The following FSTL5 variants were observed in gnomAD, a reference collection of about 807,000 sequenced individuals.
FSTL5 encodes follistatin-related protein 5.
In FSTL5, 62 loss-of-function variants were observed where a neutral mutation model predicts 89.1. That is an observed-to-expected ratio of 0.70 (90% CI 0.57 to 0.86). FSTL5 has a LOEUF of 0.86. Among genes scored for constraint, FSTL5 ranks in the 40% least tolerant of loss-of-function variants. FSTL5 has a pLI of 0.00. For synonymous variants in FSTL5, 383 were observed against 346.2 expected (o/e 1.11, Z -1.18); for missense variants, 1,057 against 1,001.6 (o/e 1.06, Z -0.75).
chr4:162,018,430 T>A (rs1250257373), intron 3 of FSTL5, among the ~76,000 whole-genome samples: 1 of 152,198 alleles, frequency 6.6e-6, no homozygotes, highest in Non-Finnish European at 1.5e-5. Flanking sequence ...AATACTGTAG[T>A]TAATTGGTGA....
chr4:161,496,909 GA>G (rs1730106398), intron 12 of FSTL5, among the ~76,000 whole-genome samples: 1 of 152,078 alleles, frequency 6.6e-6, no homozygotes, highest in Non-Finnish European at 1.5e-5. Flanking sequence ...GACAGAGATA[GA>G]AATGGAGAAC....
chr4:161,487,420 T>C (rs927514223), intron 12 of FSTL5, among the ~76,000 whole-genome samples: 5 of 152,146 alleles, frequency 3.3e-5, no homozygotes, highest in African/African-American at 9.6e-5. Context: ...GAGGATTCCA[T>C]AGAAATTGAA....
chr4:161,888,796 T>G (rs1459893172), intron 4 of FSTL5, among the ~76,000 whole-genome samples: 1 of 152,086 alleles, frequency 6.6e-6, no homozygotes, highest in Non-Finnish European at 1.5e-5. Context: ...ATCATGACAG[T>G]GATGATTAAT....
chr4:161,928,395 GAC>G (rs752989473), intron 3 of FSTL5, among the ~76,000 whole-genome samples: 2 of 151,924 alleles, frequency 1.3e-5, no homozygotes, highest in African/African-American at 2.4e-5. Context: ...TTTTGTGTAA[GAC>G]ACAGAGTTTC....
chr4:161,841,689 A>G (rs1351244355), intron 4 of FSTL5, among the ~76,000 whole-genome samples: 2 of 152,130 alleles, frequency 1.3e-5, no homozygotes, highest in African/African-American at 4.8e-5. Flanking sequence ...TAAGTGTCTA[A>G]TTAAGTAGTA....
At chr4:161,466,930 T>A (rs72616789) in intron 13 of FSTL5, among the ~76,000 whole-genome samples, 34,462 of 151,936 alleles carry the variant, frequency 0.23, 4,589 homozygotes, top group East Asian at 0.48. Context: ...TAATAATATG[T>A]AATATTCAGT....
At chr4:161,526,883 T>C (rs954532417) in intron 10 of FSTL5, among the ~76,000 whole-genome samples, 3 of 152,234 alleles carry the variant, frequency 2.0e-5, no homozygotes, top group Non-Finnish European at 4.4e-5. Context: ...GGTATCGTGA[T>C]GGCTCCAGCT....
rs374482690 is a variant in FSTL5, at chr4:161,820,628, T to C, written c.410-44554A>G. On this transcript the variant is annotated intron_variant, in intron 4 of 15. Coordinates refer to ENST00000306100, the MANE Select transcript of FSTL5 (RefSeq NM_020116.5). ...TAGTGATGCGTGAAAATTGAAGGCC[T>C]GGACCATGAGAGCCTTCCAGAGGTG... 7.6e-4 allele frequency among the ~76,000 whole-genome samples: 115 copies of C among 152,274 alleles called. 1 individual carries two copies. The highest frequency in any genetic ancestry group is 6.8e-3 in the Middle Eastern group (2 of 294).
At chr4:161,543,381 C>T (rs1731899082) in intron 8 of FSTL5, among the ~76,000 whole-genome samples, 1 of 151,674 alleles carries the variant, frequency 6.6e-6, no homozygotes, top group African/African-American at 2.4e-5. Context: ...GATCATACTC[C>T]CAAGTTGACA....
chr4:161,698,775 AAAAC>A (rs746818470), intron 6 of FSTL5, among the ~76,000 whole-genome samples: 10 of 152,174 alleles, frequency 6.6e-5, no homozygotes, highest in African/African-American at 2.4e-4. Context: ...TAAACATACA[AAAAC>A]AAACAAACAA....
chr4:161,675,319 T>C (rs1442363539), intron 6 of FSTL5, among the ~76,000 whole-genome samples: 1 of 151,816 alleles, frequency 6.6e-6, no homozygotes, highest in Non-Finnish European at 1.5e-5. Context: ...AACATCATAT[T>C]TTCTACTAAT....
At chr4:161,618,986 A>T (rs1735003430) in intron 7 of FSTL5, among the ~76,000 whole-genome samples, 1 of 152,224 alleles carries the variant, frequency 6.6e-6, no homozygotes, top group Admixed American at 6.5e-5. Flanking sequence ...TGGTACCAAA[A>T]CAGAGATATA....
chr4:161,792,041 G>A (rs975171161), intron 4 of FSTL5, among the ~76,000 whole-genome samples: 2 of 152,162 alleles, frequency 1.3e-5, no homozygotes, highest in Non-Finnish European at 2.9e-5. Context: ...TGTGGACCCA[G>A]GCATCCCTGC....
At chr4:161,527,778 A>G (rs1219521081) in intron 10 of FSTL5, among the ~76,000 whole-genome samples, 2 of 151,530 alleles carry the variant, frequency 1.3e-5, no homozygotes, top group South Asian at 4.1e-4. Context: ...CATTTGATCC[A>G]GCCATCCCAT....
At chr4:162,110,378 T>C (rs1426385234) in intron 2 of FSTL5, among the ~76,000 whole-genome samples, 1 of 151,984 alleles carries the variant, frequency 6.6e-6, no homozygotes, top group Non-Finnish European at 1.5e-5. Flanking sequence ...TTGGCTATTT[T>C]ATCAAAATAT....
intron 4 of FSTL5, among the ~76,000 whole-genome samples, chr4:161,779,759 TTATATATATATATATG>T (rs1232042288): frequency 9.6e-5 from 3 of 31,166 alleles, no homozygotes; most frequent in African/African-American, 2.1e-4. Flanking sequence ...ATTTGTAAAG[TTATATATATATATATG>T]TATATATATA....
intron 4 of FSTL5, among the ~76,000 whole-genome samples, chr4:161,829,918 G>A (rs1261707936): frequency 6.6e-6 from 1 of 152,000 alleles, no homozygotes; most frequent in East Asian, 1.9e-4. Flanking sequence ...TGTTTGCAAG[G>A]AAAGAGCAAC....
intron 8 of FSTL5, among the ~76,000 whole-genome samples, chr4:161,581,320 G>C (rs182191203): frequency 6.6e-5 from 10 of 152,316 alleles, no homozygotes; most frequent in Admixed American, 5.9e-4. Context: ...CAATCACTGA[G>C]CTAGGGTAAC....
chr4:161,996,273 A>G (rs1398988282), intron 3 of FSTL5, among the ~76,000 whole-genome samples: 5 of 152,220 alleles, frequency 3.3e-5, no homozygotes, highest in African/African-American at 1.2e-4. Context: ...GCAGGCACCT[A>G]AAACAAAGGT....
Sources: allele counts gnomAD v4.1 joint callset (sites outside exome capture counted in the v4.1 genomes callset), GRCh38; gene constraint gnomAD v4.1.1; transcripts MANE v1.5; gene names NCBI Gene and HGNC (gene_info 2026-07-23, HGNC 2026-07-21).